Variants in PRKCE observed in about 807,000 individuals in gnomAD.
PRKCE encodes protein kinase C epsilon.
In PRKCE, 16 loss-of-function variants were observed where a neutral mutation model predicts 85.4. The observed-to-expected ratio is 0.19, with a 90% confidence interval of 0.13 to 0.28. The LOEUF is 0.28. PRKCE is among the 10% of genes least tolerant of loss of function. The pLI is 1.00. For missense variants in PRKCE, 573 were observed against 975.2 expected (o/e 0.59, Z 5.49); for synonymous variants, 388 against 371.5 (o/e 1.04, Z -0.51).
intron 3 of PRKCE, chr2:45,978,369 G>A (rs1057138989): frequency 1.3e-5 from 2 of 152,504 alleles, no homozygotes; most frequent in Admixed American, 6.5e-5. Flanking sequence ...GTAAGGCCGG[G>A]TTTGTGTGAT....
chr2:45,836,580 T>C (rs1690894842), intron 1 of PRKCE, among the ~76,000 whole-genome samples: 1 of 152,110 alleles, frequency 6.6e-6, no homozygotes, highest in South Asian at 2.1e-4. Context: ...CCATGCCAGG[T>C]GGGTCTGGGG....
chr2:45,917,713 G>C (rs1157030058), intron 2 of PRKCE, among the ~76,000 whole-genome samples: 1 of 152,258 alleles, frequency 6.6e-6, no homozygotes, highest in Non-Finnish European at 1.5e-5. Flanking sequence ...GGGCGCCGTG[G>C]AGCAGGGGGC....
intron 1 of PRKCE, among the ~76,000 whole-genome samples, chr2:45,780,203 AATG>A (rs553933959): frequency 1.3e-5 from 2 of 152,366 alleles, no homozygotes; most frequent in African/African-American, 4.8e-5. Context: ...GATGTGCTTG[AATG>A]ATGATTCAAA....
intron 1 of PRKCE, among the ~76,000 whole-genome samples, chr2:45,753,602 C>A (rs535453121): frequency 1.6e-4 from 25 of 152,174 alleles, no homozygotes; most frequent in Admixed American, 4.6e-4. Flanking sequence ...TGTTGGTTTG[C>A]ATTCTGTGTT....
chr2:46,092,509 GA>G (rs1670268072), intron 11 of PRKCE, among the ~76,000 whole-genome samples: 1 of 152,178 alleles, frequency 6.6e-6, no homozygotes, highest in Non-Finnish European at 1.5e-5. Context: ...GAGGTACTTA[GA>G]AAGGGCTTTC....
At chr2:45,798,310 A>T (rs909588309) in intron 1 of PRKCE, among the ~76,000 whole-genome samples, 1 of 152,238 alleles carries the variant, frequency 6.6e-6, no homozygotes, top group African/African-American at 2.4e-5. Flanking sequence ...TATTTTAGAG[A>T]TATAGAAACT....
intron 2 of PRKCE, among the ~76,000 whole-genome samples, chr2:45,945,791 C>A (rs1392124329): frequency 6.6e-6 from 1 of 152,254 alleles, no homozygotes; most frequent in Non-Finnish European, 1.5e-5. Context: ...AAAGCCAGGG[C>A]TGTCTGTCTT....
intron 1 of PRKCE, among the ~76,000 whole-genome samples, chr2:45,798,034 A>G (rs1687577253): frequency 6.6e-6 from 1 of 152,222 alleles, no homozygotes; most frequent in South Asian, 2.1e-4. Flanking sequence ...TTGGGGCTGC[A>G]TAAAGTGATT....
chr2:46,070,935 A>T (rs1430544456), intron 10 of PRKCE, among the ~76,000 whole-genome samples: 1 of 152,216 alleles, frequency 6.6e-6, no homozygotes, highest in Non-Finnish European at 1.5e-5. Context: ...GATAGCCATG[A>T]TTACTCTTTA....
intron 1 of PRKCE, among the ~76,000 whole-genome samples, chr2:45,666,865 G>C (rs1572889084): frequency 6.6e-6 from 1 of 152,174 alleles, no homozygotes; most frequent in East Asian, 1.9e-4. Context: ...ATTTAAGTGG[G>C]GGTCTTCCTC....
chr2:45,823,140 A>G (rs1189098423), intron 1 of PRKCE, among the ~76,000 whole-genome samples: 2 of 152,216 alleles, frequency 1.3e-5, no homozygotes, highest in African/African-American at 4.8e-5. Flanking sequence ...CGTGTGCTCC[A>G]GGAAACTTGT....
chr2:45,725,083 C>T (rs948675145), intron 1 of PRKCE, among the ~76,000 whole-genome samples: 2 of 152,226 alleles, frequency 1.3e-5, no homozygotes, highest in African/African-American at 4.8e-5. Context: ...GCCTGTCTCC[C>T]TTATTAGGGG....
intron 1 of PRKCE, among the ~76,000 whole-genome samples, chr2:45,681,638 T>G (rs757338100): frequency 6.6e-6 from 1 of 152,248 alleles, no homozygotes; most frequent in Non-Finnish European, 1.5e-5. Flanking sequence ...GCTCTGCTGA[T>G]TATCTCTACC....
chr2:45,768,229 G>A (rs866611418), intron 1 of PRKCE, among the ~76,000 whole-genome samples: 6 of 151,258 alleles, frequency 4.0e-5, no homozygotes, highest in Admixed American at 6.6e-5. Context: ...ATCAAAACAC[G>A]AAAGAGCCTT....
At chr2:45,969,704 A>C (rs918773357) in intron 2 of PRKCE, among the ~76,000 whole-genome samples, 27 of 152,224 alleles carry the variant, frequency 1.8e-4, no homozygotes, top group African/African-American at 6.3e-4. Context: ...GGCAAGTGAA[A>C]GCTTTAAAAA....
intron 1 of PRKCE, among the ~76,000 whole-genome samples, chr2:45,729,037 C>G (rs760390843): frequency 3.3e-5 from 5 of 152,122 alleles, no homozygotes; most frequent in Non-Finnish European, 7.4e-5. Flanking sequence ...TTTTCACTGC[C>G]CCACCAGGGA....
chr2:45,920,744 CA>C (rs1262817155), intron 2 of PRKCE, among the ~76,000 whole-genome samples: 4 of 152,008 alleles, frequency 2.6e-5, no homozygotes, highest in Non-Finnish European at 5.9e-5. Context: ...AATTGGAGAA[CA>C]GGGGGTGGTC....
chr2:45,958,808 ATATATATATTTTTTTTTTTTTTTTTTTT>A (rs1701168621), intron 2 of PRKCE, among the ~76,000 whole-genome samples: 1 of 23,814 alleles, frequency 4.2e-5, no homozygotes, highest in Non-Finnish European at 7.2e-5. Context: ...ATATATATAT[ATATATATATTTTTTTTTTTTTTTTTTTT>A]TTTTTTTTTT....
At chr2:45,796,287 C>G (rs1258196293) in intron 1 of PRKCE, among the ~76,000 whole-genome samples, 2 of 152,202 alleles carry the variant, frequency 1.3e-5, no homozygotes, top group East Asian at 3.8e-4. Flanking sequence ...AACCCCAGCT[C>G]TCTCACTAGC....
Sources: allele counts gnomAD v4.1 joint callset (sites outside exome capture counted in the v4.1 genomes callset), GRCh38; gene constraint gnomAD v4.1.1; transcripts MANE v1.5; gene names NCBI Gene and HGNC (gene_info 2026-07-23, HGNC 2026-07-21).